The following SLC5A1 variants were observed in gnomAD, a reference collection of about 807,000 sequenced individuals.
The protein encoded by SLC5A1 is sodium/glucose cotransporter 1.
In SLC5A1, 42 loss-of-function variants were observed where a neutral mutation model predicts 73.5. That is an observed-to-expected ratio of 0.57 (90% confidence interval 0.45 to 0.74). SLC5A1 has a LOEUF of 0.74. SLC5A1 is among the 30% of genes least tolerant of loss of function. SLC5A1 has a pLI of 0.00. For missense variants in SLC5A1, 634 were observed against 855.4 expected (o/e 0.74, Z 3.23); for synonymous variants, 300 against 317.4 (o/e 0.95, Z 0.58).
chr22:32,049,108 AT>A (rs2093941149), intron 1 of SLC5A1, among the ~76,000 whole-genome samples: 1 of 145,484 alleles, frequency 6.9e-6, no homozygotes, highest in Non-Finnish European at 1.5e-5. Context: ...ATATATATAT[AT>A]ATAATCATTA....
At chr22:32,082,012 G>T (rs768644367) in intron 6 of SLC5A1, 41 bp downstream of exon 6, 7 of 1,255,758 alleles carry the variant, frequency 5.6e-6, no homozygotes, top group South Asian at 1.2e-5. Context: ...AACCCAGCTC[G>T]GGATCAGGCA....
At chr22:32,045,127 G>A (rs1186947031) in intron 1 of SLC5A1, among the ~76,000 whole-genome samples, 1 of 152,164 alleles carries the variant, frequency 6.6e-6, no homozygotes, top group Non-Finnish European at 1.5e-5. Context: ...CACTGTGACT[G>A]ACTTCCTCCT....
intron 10 of SLC5A1, among the ~76,000 whole-genome samples, chr22:32,088,433 T>G (rs1034351463): frequency 2.0e-5 from 3 of 151,338 alleles, no homozygotes; most frequent in Admixed American, 1.3e-4. Context: ...ACCTCCCCAG[T>G]TCAAGCAATT....
At chr22:32,092,350 T>C (rs930303111) in intron 11 of SLC5A1, among the ~76,000 whole-genome samples, 5 of 152,244 alleles carry the variant, frequency 3.3e-5, no homozygotes, top group African/African-American at 1.2e-4. Context: ...CACTTGTTGA[T>C]TGATGGGCAT....
intron 11 of SLC5A1, among the ~76,000 whole-genome samples, chr22:32,097,706 T>C (rs931191439): frequency 6.6e-6 from 1 of 152,258 alleles, no homozygotes; most frequent in Non-Finnish European, 1.5e-5. Context: ...TTACTATTTA[T>C]TAAGTGCCTG....
chr22:32,103,996 T>A (rs1284973252), intron 13 of SLC5A1, among the ~76,000 whole-genome samples: 2 of 152,204 alleles, frequency 1.3e-5, no homozygotes, highest in Non-Finnish European at 2.9e-5. Flanking sequence ...CAAGGTCATA[T>A]TTATTCCTAG....
Position 32,086,288 on chromosome 22 carries a change from A to G in SLC5A1, c.1090A>G (p.Ile364Val). 3 of 1,613,974 alleles carry G rather than the reference A, an allele frequency of 1.9e-6. No homozygotes were observed. The highest frequency in any genetic ancestry group is 1.7e-6 in the Non-Finnish European group (2 of 1,179,818). Residue 364 changes from isoleucine (I) to valine (V), a missense_variant, in exon 10 of 15, where the codon ATC (isoleucine) becomes GTC (valine). Ile to Val is a conservative substitution (Grantham distance 29). Coordinates refer to ENST00000266088, the MANE Select transcript of SLC5A1 (RefSeq NM_000343.4). ...YCGTKVGCTN[I>V]AYPTLVVELM... ...CGGTACCAAGGTTGGCTGTACCAAC[A>G]TCGCCTATCCAACCTTAGTGGTGGA...
At chr22:32,056,439 T>TC (rs2093952033) in intron 2 of SLC5A1, among the ~76,000 whole-genome samples, 1 of 129,290 alleles carries the variant, frequency 7.7e-6, no homozygotes, top group Non-Finnish European at 1.5e-5. Flanking sequence ...CTTCCTGTCT[T>TC]TTTTTTTTTT....
Position 32,047,608 on chromosome 22 carries a change from C to T in SLC5A1, c.136-2335C>T, listed in dbSNP as rs146853803. 4.5e-3 allele frequency among the ~76,000 whole-genome samples: 685 copies of T among 152,248 alleles called. 8 individuals carry two copies. Among genetic ancestry groups the T allele is most frequent in the Middle Eastern group, 6.8e-3 (2 of 294 alleles). On this transcript the variant is annotated intron_variant, in intron 1 of 14. Coordinates refer to ENST00000266088, the MANE Select transcript of SLC5A1 (RefSeq NM_000343.4). ...CAGAAAGACCCAAGCCATGCTCTCCCGGGTACTGCCCAGCACATGGGGGTG... is the reference window on the plus strand; with the variant it reads ...CAGAAAGACCCAAGCCATGCTCTCCTGGGTACTGCCCAGCACATGGGGGTG...
intron 10 of SLC5A1, among the ~76,000 whole-genome samples, chr22:32,090,016 T>A (rs2149493687): frequency 6.6e-6 from 1 of 150,944 alleles, no homozygotes; most frequent in South Asian, 2.1e-4. Flanking sequence ...TGGGAAGGTA[T>A]CCCTGTTTAA....
intron 2 of SLC5A1, among the ~76,000 whole-genome samples, chr22:32,058,025 A>G (rs923907895): frequency 1.3e-5 from 2 of 152,214 alleles, no homozygotes; most frequent in Non-Finnish European, 2.9e-5. Flanking sequence ...AAACTGGAAA[A>G]GTATTTTAAA....
intron 14 of SLC5A1, among the ~76,000 whole-genome samples, chr22:32,107,475 G>A (rs2094048357): frequency 6.6e-6 from 1 of 152,188 alleles, no homozygotes. Context: ...AATACTCTGG[G>A]AAAGTGATTC....
At chr22:32,092,039 C>G (rs1401051948) in intron 11 of SLC5A1, among the ~76,000 whole-genome samples, 1 of 152,012 alleles carries the variant, frequency 6.6e-6, no homozygotes, top group Non-Finnish European at 1.5e-5. Flanking sequence ...TTTTGGTACA[C>G]CCATCACTTG....
In SLC5A1 at chr22:32,060,144, T is replaced by TACACAC. The variant is rs61064953; in HGVS notation, c.208-6753_208-6748dup. 1.9e-3 allele frequency among the ~76,000 whole-genome samples: 232 copies of TACACAC among 125,148 alleles called. 1 individual carries two copies. Among genetic ancestry groups the TACACAC allele is most frequent in the African/African-American group, 5.2e-3 (134 of 25,818 alleles). 82.1% of individuals were successfully genotyped at this position (125,148 alleles called of 152,430 possible). ...ATACATACACACATATATATACACATACACACACACACACACACACACACA... is the reference window on the plus strand; with the variant it reads ...ATACATACACACATATATATACACATACACACACACACACACACACACACACACACA... On this transcript the variant is annotated intron_variant, in intron 2 of 14. Transcript: ENST00000266088.
At chr22:32,090,406 G>GT (rs1332266269) in intron 10 of SLC5A1, among the ~76,000 whole-genome samples, 1 of 152,042 alleles carries the variant, frequency 6.6e-6, no homozygotes, top group South Asian at 2.1e-4. Context: ...TATAATACGT[G>GT]TTTTTTTGTG....
intron 5 of SLC5A1, among the ~76,000 whole-genome samples, chr22:32,073,432 G>C (rs1296869677): frequency 6.6e-6 from 1 of 152,180 alleles, no homozygotes; most frequent in Non-Finnish European, 1.5e-5. Flanking sequence ...CTGCCTCCTT[G>C]TGTAGCTTCC....
chr22:32,100,607 A>C (rs2094034691), intron 12 of SLC5A1, among the ~76,000 whole-genome samples: 1 of 152,118 alleles, frequency 6.6e-6, no homozygotes, highest in East Asian at 1.9e-4. Context: ...TTGAGACAGG[A>C]ATCTCACTGT....
At chr22:32,104,276 C>T (rs11912545) in intron 13 of SLC5A1, among the ~76,000 whole-genome samples, 4,266 of 152,282 alleles carry the variant, frequency 0.028, 180 homozygotes, top group African/African-American at 0.091. Flanking sequence ...TGCCCTAGAC[C>T]GAGTTCATGC....
chr22:32,047,143 G>A (rs1375761351), intron 1 of SLC5A1, among the ~76,000 whole-genome samples: 1 of 152,146 alleles, frequency 6.6e-6, no homozygotes, highest in African/African-American at 2.4e-5. Flanking sequence ...CCATGGGGGA[G>A]TGTCAAGTAG....
Sources: allele counts gnomAD v4.1 joint callset (sites outside exome capture counted in the v4.1 genomes callset), GRCh38; gene constraint gnomAD v4.1.1; transcripts MANE v1.5; gene names NCBI Gene and HGNC (gene_info 2026-07-23, HGNC 2026-07-21).